Variants in DLG1 observed in about 807,000 individuals in gnomAD.
DLG1 encodes the protein discs large MAGUK scaffold protein 1.
A neutral mutation model predicts 123.4 loss-of-function variants in DLG1; 42 were observed. The ratio of observed to expected loss-of-function variants is 0.34; its 90% CI spans 0.27 to 0.44. The LOEUF is 0.44. Among genes scored for constraint, DLG1 ranks in the 20% least tolerant of loss-of-function variants. The pLI, the probability that DLG1 is intolerant of heterozygous loss-of-function variation, is 1.00. For synonymous variants in DLG1, 317 were observed against 356.2 expected, an observed-to-expected ratio of 0.89 and a Z score of 1.24; for missense variants, 942 against 1,082.6, an observed-to-expected ratio of 0.87 and a Z score of 1.82.
intron 24 of DLG1, 122 bp downstream of exon 24, chr3:197,051,455 G>A: frequency 1.4e-6 from 1 of 715,910 alleles, no homozygotes; most frequent in South Asian, 1.8e-5. Flanking sequence ...TGCCTAGGCT[G>A]GATGATACTA....
intron 3 of DLG1, among the ~76,000 whole-genome samples, chr3:197,285,839 T>G (rs554180712): frequency 6.6e-6 from 1 of 152,294 alleles, no homozygotes; most frequent in East Asian, 1.9e-4. Context: ...CTATACATAC[T>G]CATACTATAT....
chr3:197,120,123 T>C (rs1775487149), intron 11 of DLG1, among the ~76,000 whole-genome samples: 1 of 151,796 alleles, frequency 6.6e-6, no homozygotes, highest in Non-Finnish European at 1.5e-5. Flanking sequence ...TTAGCCAGAC[T>C]TGGTGGTGTG....
intron 4 of DLG1, among the ~76,000 whole-genome samples, chr3:197,231,973 T>C (rs1170834574): frequency 8.7e-6 from 1 of 114,834 alleles, no homozygotes; most frequent in Non-Finnish European, 2.0e-5. Flanking sequence ...ACCTGTAAGA[T>C]ACAAATCATA....
At chr3:197,158,848 G>C (rs1215542446) in intron 5 of DLG1, among the ~76,000 whole-genome samples, 2 of 152,002 alleles carry the variant, frequency 1.3e-5, no homozygotes, top group Non-Finnish European at 2.9e-5. Flanking sequence ...CAAAAAATTA[G>C]CTCTTAAAGC....
intron 24 of DLG1, among the ~76,000 whole-genome samples, chr3:197,049,009 C>T (rs375008889): frequency 3.3e-5 from 5 of 152,156 alleles, no homozygotes; most frequent in East Asian, 1.9e-4. Flanking sequence ...TCCCACTACT[C>T]GATATATATA....
At position 197,075,715 on chromosome 3, in the gene DLG1, A is replaced by C. The variant is rs1344663012; in HGVS notation, c.2005+871T>G. On this transcript the variant is annotated intron_variant, in intron 18 of 24. Transcript: ENST00000667157. ...TGATAAACATGAAAATTCTAAAAGC[A>C]ATCTAAATCATACACCTCCTTATGC... is the stretch of plus-strand genomic sequence containing the variant. 17 of 674,590 alleles carry C rather than the reference A, an allele frequency of 2.5e-5. No homozygotes were observed. In the East Asian group the frequency reaches 4.6e-4, roughly 18 times the overall value. The allele number at this position is 674,590 out of a possible 1,614,324, so 41.8% of individuals were successfully genotyped here.
At chr3:197,120,143 C>T (rs1466285444) in intron 11 of DLG1, among the ~76,000 whole-genome samples, 2 of 151,978 alleles carry the variant, frequency 1.3e-5, no homozygotes, top group Non-Finnish European at 2.9e-5. Context: ...GGCCTGTAGT[C>T]CCACTTACTC....
Position 197,138,238 on chromosome 3 carries a change from G to A in DLG1, c.867C>T (p.Leu289=). ...ACCACATACCTTTAGGACCTTTAATGAGCTTTATTTCCATTATTTTTTCTG... is the reference window on the plus strand; with the variant it reads ...ACCACATACCTTTAGGACCTTTAATAAGCTTTATTTCCATTATTTTTTCTG... ...PVSEKIMEIK[L]IKGPKGLGFS... Residue 289 remains leucine, a synonymous_variant, in exon 9 of 25, where the codon CTC becomes CTT. Transcript: ENST00000667157. 1 of 1,583,166 alleles carries A rather than the reference G, an allele frequency of 6.3e-7. No homozygotes were observed. The highest frequency in any genetic ancestry group is 8.6e-7 in the Non-Finnish European group (1 of 1,160,604).
intron 5 of DLG1, among the ~76,000 whole-genome samples, chr3:197,152,246 G>C (rs1359618588): frequency 6.6e-6 from 1 of 152,080 alleles, no homozygotes; most frequent in Non-Finnish European, 1.5e-5. Context: ...GGTATAGAGA[G>C]ACCTAGAACC....
intron 3 of DLG1, among the ~76,000 whole-genome samples, chr3:197,294,657 CAAAAAAA>C (rs71926647): frequency 2.5e-5 from 2 of 79,122 alleles, no homozygotes; most frequent in African/African-American, 9.9e-5. Context: ...GACTCTGCCT[CAAAAAAA>C]AAAAAAAAAA....
rs554270464 is a variant in DLG1 at position 197,193,317 on chromosome 3, C to T, written c.483+1108G>A. 5.3e-5 allele frequency among the ~76,000 whole-genome samples: 8 copies of T among 152,212 alleles called. No individual in the cohort carries two copies. In the East Asian group the frequency reaches 1.4e-3, roughly 26 times the overall value. On this transcript the variant is annotated intron_variant, in intron 5 of 24. Transcript: ENST00000667157. ...TAGTAAAATTCCCATTAAAATCACA[C>T]TCAGATACCATTTTGAAACCAAAAC...
intron 4 of DLG1, among the ~76,000 whole-genome samples, chr3:197,218,673 C>CA (rs1175893769): frequency 2.6e-5 from 4 of 152,140 alleles, no homozygotes; most frequent in African/African-American, 9.7e-5. Flanking sequence ...AGGCTATATT[C>CA]AAAAAATCAG....
chr3:197,163,937 TTAA>T (rs1799991133), intron 5 of DLG1, among the ~76,000 whole-genome samples: 2 of 152,108 alleles, frequency 1.3e-5, no homozygotes, highest in African/African-American at 4.8e-5. Context: ...ATGATTCCAC[TTAA>T]AAGACTAGTA....
intron 13 of DLG1, among the ~76,000 whole-genome samples, chr3:197,110,041 G>C (rs1768957532): frequency 6.6e-6 from 1 of 152,150 alleles, no homozygotes; most frequent in Non-Finnish European, 1.5e-5. Context: ...TCAAGTTCTA[G>C]AAGTTTTTGG....
At chr3:197,152,230 G>C (rs935070761) in intron 5 of DLG1, among the ~76,000 whole-genome samples, 1 of 152,112 alleles carries the variant, frequency 6.6e-6, no homozygotes, top group Non-Finnish European at 1.5e-5. Flanking sequence ...CTGAGTGGTA[G>C]AGGGAGGTAT....
At chr3:197,152,408 G>A (rs979053311) in intron 5 of DLG1, among the ~76,000 whole-genome samples, 4 of 147,124 alleles carry the variant, frequency 2.7e-5, no homozygotes, top group African/African-American at 1.0e-4. Context: ...CTTGGTTAAG[G>A]ATCCCAAAGT....
At chr3:197,263,987 T>C (rs373146578) in intron 4 of DLG1, among the ~76,000 whole-genome samples, 36 of 152,166 alleles carry the variant, frequency 2.4e-4, no homozygotes, top group East Asian at 1.9e-3. Flanking sequence ...CCAGTAAAAA[T>C]AGAAGTTTGC....
intron 14 of DLG1, among the ~76,000 whole-genome samples, chr3:197,097,062 T>C (rs768001388): frequency 5.9e-5 from 9 of 152,226 alleles, no homozygotes; most frequent in Non-Finnish European, 1.2e-4. Context: ...CCTGAAACTT[T>C]ACTTACCCCC....
chr3:197,267,421 G>T (rs1266129925), intron 4 of DLG1, among the ~76,000 whole-genome samples: 2 of 152,066 alleles, frequency 1.3e-5, no homozygotes, highest in Non-Finnish European at 2.9e-5. Flanking sequence ...TTGGGCCTCT[G>T]TTCCCTTCTT....
Sources: gnomAD v4.1 joint callset for allele counts (sites outside exome capture counted in the v4.1 genomes callset) on GRCh38, gnomAD v4.1.1 for gene constraint, MANE v1.5 for transcripts, NCBI Gene and HGNC (gene_info 2026-07-23, HGNC 2026-07-21) for gene names.